DTNA: variants seen among roughly 807,000 people sequenced by gnomAD.
The protein encoded by DTNA is dystrophin-related protein 3.
In DTNA, 43 loss-of-function variants were observed where a neutral mutation model predicts 100.7. The ratio of observed to expected loss-of-function variants is 0.43; its 90% CI spans 0.33 to 0.55. The LOEUF (loss-of-function observed/expected upper bound fraction) is 0.55, where lower values mean the gene tolerates loss of function less well. DTNA is among the 20% of genes least tolerant of loss of function. DTNA has a pLI of 0.04. For missense variants in DTNA, 798 were observed against 953.9 expected (o/e 0.84, Z 2.15); for synonymous variants, 349 against 347.9 (o/e 1.00, Z -0.04).
At chr18:34,809,519 A>G (rs1227008959) in intron 5 of DTNA, among the ~76,000 whole-genome samples, 1 of 152,198 alleles carries the variant, frequency 6.6e-6, no homozygotes, top group Non-Finnish European at 1.5e-5. Context: ...TTGCTTCTGT[A>G]ATAAGAAAAA....
At chr18:34,816,234 T>A (rs571049802) in intron 7 of DTNA, among the ~76,000 whole-genome samples, 2 of 152,324 alleles carry the variant, frequency 1.3e-5, no homozygotes, top group South Asian at 2.1e-4. Flanking sequence ...CATGGTCTTC[T>A]TCTCAATTAC....
chr18:34,632,544 A>G (rs2058202920), intron 1 of DTNA, among the ~76,000 whole-genome samples: 2 of 152,300 alleles, frequency 1.3e-5, no homozygotes, highest in South Asian at 2.1e-4. Flanking sequence ...GTCAGGGAGA[A>G]TCTTTCTATC....
At chr18:34,649,877 A>G (rs1309288199) in intron 1 of DTNA, among the ~76,000 whole-genome samples, 2 of 152,158 alleles carry the variant, frequency 1.3e-5, no homozygotes, top group African/African-American at 4.8e-5. Context: ...AAGCATAGGA[A>G]ATTGAGGGAA....
chr18:34,833,076 A>G (rs1452552745), intron 11 of DTNA, among the ~76,000 whole-genome samples: 1 of 152,160 alleles, frequency 6.6e-6, no homozygotes, highest in African/African-American at 2.4e-5. Flanking sequence ...TAATTATTCT[A>G]TATTAATATA....
intron 1 of DTNA, among the ~76,000 whole-genome samples, chr18:34,526,641 A>C (rs1428678111): frequency 6.6e-6 from 1 of 152,104 alleles, no homozygotes; most frequent in Admixed American, 6.6e-5. Context: ...GAATATGTAA[A>C]ATTATGATTT....
chr18:34,564,774 C>G (rs998023158), intron 1 of DTNA, among the ~76,000 whole-genome samples: 1 of 152,142 alleles, frequency 6.6e-6, no homozygotes, highest in Non-Finnish European at 1.5e-5. Context: ...ATCTGTGCCT[C>G]CTTCTGTTGC....
chr18:34,670,453 C>T (rs2076586158), intron 1 of DTNA, among the ~76,000 whole-genome samples: 1 of 152,186 alleles, frequency 6.6e-6, no homozygotes, highest in Admixed American at 6.5e-5. Flanking sequence ...AGCTTTGTTC[C>T]ATTGCTGGTG....
intron 1 of DTNA, among the ~76,000 whole-genome samples, chr18:34,718,827 A>G (rs1281224805): frequency 6.6e-6 from 1 of 152,194 alleles, no homozygotes. Context: ...TGTGCTGACC[A>G]TGTGTGGCTT....
intron 1 of DTNA, among the ~76,000 whole-genome samples, chr18:34,526,445 G>A (rs916769701): frequency 1.3e-5 from 2 of 152,060 alleles, no homozygotes; most frequent in Non-Finnish European, 2.9e-5. Flanking sequence ...TCTGAAAATA[G>A]GGATAATGAT....
intron 1 of DTNA, among the ~76,000 whole-genome samples, chr18:34,719,767 A>G (rs2084869995): frequency 6.6e-6 from 1 of 152,228 alleles, no homozygotes; most frequent in Non-Finnish European, 1.5e-5. Context: ...TAAAGTGTAA[A>G]GAAAGCTTTG....
At chr18:34,792,726 A>T (rs550599907) in intron 3 of DTNA, among the ~76,000 whole-genome samples, 1 of 152,364 alleles carries the variant, frequency 6.6e-6, no homozygotes, top group South Asian at 2.1e-4. Flanking sequence ...AGATGGTTCA[A>T]CTACTTTTGG....
At chr18:34,663,348 AG>A (rs1263176035) in intron 1 of DTNA, among the ~76,000 whole-genome samples, 3 of 151,904 alleles carry the variant, frequency 2.0e-5, no homozygotes, top group Non-Finnish European at 4.4e-5. Context: ...TGTAGAGACA[AG>A]GTCTTGATAT....
intron 1 of DTNA, among the ~76,000 whole-genome samples, chr18:34,723,885 G>A (rs899130873): frequency 6.6e-6 from 1 of 151,486 alleles, no homozygotes; most frequent in Non-Finnish European, 1.5e-5. Context: ...GGCAACAAGA[G>A]CGAGATTCTG....
At chr18:34,775,024 G>T (rs796157077) in intron 3 of DTNA, among the ~76,000 whole-genome samples, 3 of 152,290 alleles carry the variant, frequency 2.0e-5, no homozygotes, top group African/African-American at 7.2e-5. Context: ...ATCTAAAATG[G>T]CTCCTAAAAC....
chr18:34,779,084 G>A (rs1193637764), intron 3 of DTNA, among the ~76,000 whole-genome samples: 1 of 151,932 alleles, frequency 6.6e-6, no homozygotes, highest in Non-Finnish European at 1.5e-5. Flanking sequence ...CACCCTCCAT[G>A]TGCCAGGTGC....
chr18:34,873,996 G>T (rs1442054561), intron 17 of DTNA, among the ~76,000 whole-genome samples: 1 of 152,158 alleles, frequency 6.6e-6, no homozygotes, highest in Non-Finnish European at 1.5e-5. Flanking sequence ...GTTATTTTCT[G>T]TGCTCTGTTC....
intron 3 of DTNA, among the ~76,000 whole-genome samples, chr18:34,785,193 G>A (rs773491753): frequency 2.6e-5 from 4 of 152,082 alleles, no homozygotes; most frequent in South Asian, 2.1e-4. Flanking sequence ...GATTATAGGC[G>A]TGAGCCACCA....
intron 3 of DTNA, among the ~76,000 whole-genome samples, chr18:34,773,343 T>C (rs748772190): frequency 6.6e-6 from 1 of 152,088 alleles, no homozygotes; most frequent in Non-Finnish European, 1.5e-5. Context: ...ATGTATAAAA[T>C]CTTGGATGTA....
At chr18:34,630,145 G>C (rs551055384) in intron 1 of DTNA, among the ~76,000 whole-genome samples, 6 of 152,210 alleles carry the variant, frequency 3.9e-5, no homozygotes, top group South Asian at 4.1e-4. Flanking sequence ...TCAGAAGCCA[G>C]TACATTTTTT....
Sources: gnomAD v4.1 joint callset for allele counts (sites outside exome capture counted in the v4.1 genomes callset) on GRCh38, gnomAD v4.1.1 for gene constraint, MANE v1.5 for transcripts, NCBI Gene and HGNC (gene_info 2026-07-23, HGNC 2026-07-21) for gene names.